Variants in TNFRSF19 observed in about 807,000 individuals in gnomAD.
TNFRSF19 encodes the protein TNF receptor superfamily member 19.
Under a neutral mutation model 46.4 loss-of-function variants are expected in TNFRSF19, and 27 were observed. The observed-to-expected ratio is 0.58, with a 90% CI of 0.43 to 0.80. TNFRSF19 has a LOEUF of 0.80. Among genes scored for constraint, TNFRSF19 ranks in the 30% least tolerant of loss-of-function variants. TNFRSF19 has a pLI of 0.00. For missense variants in TNFRSF19, 511 were observed against 530.8 expected (o/e 0.96, Z 0.37); for synonymous variants, 204 against 205.0 (o/e 1.00, Z 0.04).
chr13:23,615,434 T>G (rs764316448), intron 3 of TNFRSF19, among the ~76,000 whole-genome samples: 2 of 152,258 alleles, frequency 1.3e-5, no homozygotes, highest in East Asian at 1.9e-4. Flanking sequence ...AAATTTCTTA[T>G]GCACTTATCC....
chr13:23,625,195 G>T (rs951389319), intron 4 of TNFRSF19, among the ~76,000 whole-genome samples: 1 of 152,136 alleles, frequency 6.6e-6, no homozygotes, highest in Non-Finnish European at 1.5e-5. Context: ...CGTATGGTAG[G>T]TCTTCATCAT....
Position 23,593,434 on chromosome 13 carries a change from G to A in TNFRSF19, c.159G>A (p.Gly53=). ...ACTGTGTTCCCTGCAACCAGTGTGG[G>A]CCAGGCATGGAGTTGTCTAAGGTAT... ...SGNCVPCNQC[G]PGMELSKECG... Residue 53 remains glycine, a synonymous_variant, in exon 3 of 10, where the codon GGG becomes GGA. Coordinates refer to ENST00000248484, the MANE Select transcript of TNFRSF19 (RefSeq NM_148957.4). 1 of 1,603,430 alleles carries A rather than the reference G, an allele frequency of 6.2e-7. No individual in the cohort carries two copies. The highest frequency in any genetic ancestry group is 8.5e-7 in the Non-Finnish European group (1 of 1,177,164).
At chr13:23,597,735 T>C (rs1879841459) in intron 3 of TNFRSF19, among the ~76,000 whole-genome samples, 2 of 152,230 alleles carry the variant, frequency 1.3e-5, no homozygotes, top group South Asian at 4.1e-4. Context: ...GACTCCTCTC[T>C]AACTCATTTT....
chr13:23,638,887 C>T (rs946054041), intron 5 of TNFRSF19, among the ~76,000 whole-genome samples: 2 of 152,180 alleles, frequency 1.3e-5, no homozygotes, highest in African/African-American at 4.8e-5. Context: ...CTGCATCATG[C>T]CAACATTTCT....
chr13:23,664,482 A>G (rs577405480), intron 7 of TNFRSF19, among the ~76,000 whole-genome samples: 3 of 152,240 alleles, frequency 2.0e-5, no homozygotes, highest in South Asian at 2.1e-4. Flanking sequence ...AAAACCCTCT[A>G]TAGCCAACCA....
intron 3 of TNFRSF19, among the ~76,000 whole-genome samples, chr13:23,600,977 G>A (rs1020429724): frequency 6.6e-6 from 1 of 152,194 alleles, no homozygotes; most frequent in African/African-American, 2.4e-5. Context: ...GGATCTTGGA[G>A]TTATCAGAGA....
intron 1 of TNFRSF19, among the ~76,000 whole-genome samples, chr13:23,588,674 T>C (rs1879021911): frequency 6.6e-6 from 1 of 152,178 alleles, no homozygotes; most frequent in Non-Finnish European, 1.5e-5. Flanking sequence ...ATGAAAGAAA[T>C]AACCTGAAGC....
chr13:23,596,953 G>A lies in TNFRSF19; in HGVS notation c.180+3498G>A, dbSNP rs187489611. On this transcript the variant is annotated intron_variant, in intron 3 of 9. Coordinates refer to ENST00000248484, the MANE Select transcript of TNFRSF19 (RefSeq NM_148957.4). ...CTCAGGATTGAGAAACTCACTCAAA[G>A]CCGCACAACTACATGGAAACTGAAC... Among the ~76,000 whole-genome samples, 164 of 152,226 alleles carry A rather than the reference G, an allele frequency of 1.1e-3. 2 individuals carry two copies. Among genetic ancestry groups the A allele is most frequent in the Non-Finnish European group, 7.4e-5 (5 of 67,998 alleles).
At chr13:23,668,667 TA>T (rs748492286) in intron 8 of TNFRSF19, 24 bp from the exon 9 acceptor site, 173 of 1,587,962 alleles carry the variant, frequency 1.1e-4, no homozygotes, top group Non-Finnish European at 1.4e-4. Flanking sequence ...TCAAAAACTT[TA>T]AGTTCTTTTG....
In TNFRSF19 at chr13:23,675,089, A is replaced by G. The variant is rs1216104489; in HGVS notation, c.*1709A>G. The G allele has an allele frequency of 1.3e-5, 2 of 152,230 alleles. No individual in the cohort carries two copies. The highest frequency in any genetic ancestry group is 2.4e-5 in the African/African-American group (1 of 41,466). The allele number at this position is 152,230 out of a possible 1,614,324, so 9.4% of individuals were successfully genotyped here. On this transcript the variant is annotated 3_prime_UTR_variant, in exon 10 of 10. Transcript: ENST00000248484. ...TCCTGTATTACTTCTTTTTTTAAGT[A>G]TAAACCAATGATCCTTTGGTAGTCA... is the stretch of plus-strand genomic sequence containing the variant.
chr13:23,650,901 T>A (rs1275537808), intron 5 of TNFRSF19, among the ~76,000 whole-genome samples: 1 of 152,226 alleles, frequency 6.6e-6, no homozygotes, highest in Non-Finnish European at 1.5e-5. Flanking sequence ...GCCTTCTTCT[T>A]TCACATGTAT....
intron 3 of TNFRSF19, among the ~76,000 whole-genome samples, chr13:23,604,679 G>C (rs569044851): frequency 1.3e-5 from 2 of 152,248 alleles, no homozygotes; most frequent in East Asian, 3.9e-4. Context: ...ACAGAATAGA[G>C]AGCCCAGGAA....
intron 1 of TNFRSF19, among the ~76,000 whole-genome samples, chr13:23,584,322 A>G (rs187134502): frequency 5.1e-4 from 77 of 152,226 alleles, no homozygotes; most frequent in Non-Finnish European, 9.1e-4. Flanking sequence ...AAGAACATAC[A>G]ATGTTTGGTT....
At chr13:23,583,745 A>G (rs1351549397) in intron 1 of TNFRSF19, among the ~76,000 whole-genome samples, 1 of 152,162 alleles carries the variant, frequency 6.6e-6, no homozygotes, top group Non-Finnish European at 1.5e-5. Flanking sequence ...ATGTATCCAG[A>G]CTTCCTTCTA....
intron 5 of TNFRSF19, among the ~76,000 whole-genome samples, chr13:23,647,150 G>T (rs1883379090): frequency 6.6e-6 from 1 of 152,112 alleles, no homozygotes; most frequent in South Asian, 2.1e-4. Flanking sequence ...TTGTTGAGTT[G>T]TAGGAGCTCT....
intron 9 of TNFRSF19, among the ~76,000 whole-genome samples, chr13:23,671,076 CG>C (rs1458389496): frequency 6.6e-6 from 1 of 152,032 alleles, no homozygotes; most frequent in Non-Finnish European, 1.5e-5. Flanking sequence ...GGTGGTGTGG[CG>C]GGGACAGGAT....
At chr13:23,604,797 A>C (rs1223926939) in intron 3 of TNFRSF19, among the ~76,000 whole-genome samples, 1 of 152,192 alleles carries the variant, frequency 6.6e-6, no homozygotes, top group Non-Finnish European at 1.5e-5. Flanking sequence ...TGACATCCAC[A>C]TGCAAAAAAT....
At chr13:23,589,039 T>C (rs574437455) in intron 1 of TNFRSF19, among the ~76,000 whole-genome samples, 1 of 152,278 alleles carries the variant, frequency 6.6e-6, no homozygotes, top group East Asian at 1.9e-4. Context: ...TTGTTGTCGT[T>C]GTTGTTTTTC....
chr13:23,625,430 G>A (rs573513160), intron 4 of TNFRSF19, among the ~76,000 whole-genome samples: 5 of 145,046 alleles, frequency 3.4e-5, no homozygotes, highest in African/African-American at 7.6e-5. Flanking sequence ...CCGGGTTCAC[G>A]CCATTCTCCT....
Sources: allele counts gnomAD v4.1 joint callset (sites outside exome capture counted in the v4.1 genomes callset), GRCh38; gene constraint gnomAD v4.1.1; transcripts MANE v1.5; gene names NCBI Gene and HGNC (gene_info 2026-07-23, HGNC 2026-07-21).